Variants in CFH observed in about 807,000 individuals in gnomAD.
CFH encodes the protein H factor 1 (complement).
In CFH, 53 loss-of-function variants were observed where a neutral mutation model predicts 147.3. That is an observed-to-expected ratio of 0.36 (90% CI 0.29 to 0.45). CFH has a LOEUF of 0.45. Among genes scored for constraint, CFH ranks in the 20% least tolerant of loss-of-function variants. CFH has a pLI of 1.00. For synonymous variants in CFH, 536 were observed against 489.4 expected (o/e 1.10, Z -1.26); for missense variants, 1,380 against 1,498.0 (o/e 0.92, Z 1.30).
chr1:196,716,577 T>A (rs561554271), intron 11 of CFH, among the ~76,000 whole-genome samples: 1 of 151,926 alleles, frequency 6.6e-6, no homozygotes, highest in Non-Finnish European at 1.5e-5. Context: ...TGAGTCCAGG[T>A]AGGGTGAGAA....
chr1:196,737,574 A>G lies in CFH; in HGVS notation c.2696A>G (p.Tyr899Cys). 1 of 1,613,428 alleles carries G rather than the reference A, an allele frequency of 6.2e-7. No homozygotes were observed. Among genetic ancestry groups the G allele is most frequent in the Non-Finnish European group, 8.5e-7 (1 of 1,179,594 alleles). The change falls in exon 17 of 22, where the codon TAT becomes TGT. Residue 899 changes from tyrosine to cysteine, a missense_variant. Physicochemically the swap from Tyr to Cys is radical, Grantham distance 194. This residue lies in a region of CFH where 830 missense variants were observed against 821.4 expected (regional missense o/e 1.01). Transcript: ENST00000367429. ...ESYAHGTKLSYTCEGGFRISE... is the reference protein window; with the variant it reads ...ESYAHGTKLSCTCEGGFRISE... ...TATGCACATGGGACTAAATTGAGTT[A>G]TACTTGTGAGGGTGGTTTCAGGATA... is the stretch of plus-strand genomic sequence containing the variant.
At chr1:196,693,124 G>A (rs989060362) in intron 9 of CFH, among the ~76,000 whole-genome samples, 16 of 151,928 alleles carry the variant, frequency 1.1e-4, no homozygotes, top group Non-Finnish European at 2.4e-4. Context: ...TCAATTGTCA[G>A]TGAATCACAT....
chr1:196,675,791 G>C lies in CFH; in HGVS notation c.351-198G>C, dbSNP rs953008464. Among the ~76,000 whole-genome samples, 9 of 152,098 alleles carry C rather than the reference G, an allele frequency of 5.9e-5. No homozygotes were observed. In the East Asian group the frequency reaches 9.7e-4, roughly 16 times the overall value. On this transcript the variant is annotated intron_variant, in intron 3 of 21. Coordinates refer to ENST00000367429, the MANE Select transcript of CFH (RefSeq NM_000186.4). ...AGAGGAAGAAGATTAATGTTCTAGA[G>C]AACGTTAAGAAATCTAAGACAGAGT...
intron 18 of CFH, 161 bp from the exon 19 acceptor site, chr1:196,741,714 T>C (rs1245852632): frequency 1.6e-6 from 1 of 629,874 alleles, no homozygotes; most frequent in Admixed American, 2.9e-5. Context: ...GAATTTAATG[T>C]AATTAAGACA....
At chr1:196,738,284 G>A (rs1386103418) in intron 17 of CFH, among the ~76,000 whole-genome samples, 1 of 152,136 alleles carries the variant, frequency 6.6e-6, no homozygotes, top group African/African-American at 2.4e-5. Context: ...CCTATCCCAA[G>A]TCTATGTCCT....
chr1:196,652,973 T>C (rs1458935864), intron 1 of CFH, among the ~76,000 whole-genome samples: 1 of 151,848 alleles, frequency 6.6e-6, no homozygotes, highest in South Asian at 2.1e-4. Flanking sequence ...TAACCAGTTA[T>C]GTGATAGATA....
chr1:196,727,014 T>C, intron 14 of CFH, 74 bp downstream of exon 14: 1 of 1,411,302 alleles, frequency 7.1e-7, no homozygotes, highest in African/African-American at 1.4e-5. Flanking sequence ...ATTGCAACTA[T>C]ATTTTTGAAA....
At chr1:196,652,790 CAT>C (rs1278884933) in intron 1 of CFH, among the ~76,000 whole-genome samples, 1 of 151,716 alleles carries the variant, frequency 6.6e-6, no homozygotes, top group Non-Finnish European at 1.5e-5. Flanking sequence ...TTGTATATAA[CAT>C]ATATTCTTGA....
At chr1:196,743,721 A>G (rs1311130550) in intron 20 of CFH, 93 bp downstream of exon 20, 1 of 1,557,610 alleles carries the variant, frequency 6.4e-7, no homozygotes, top group Non-Finnish European at 8.8e-7. Flanking sequence ...TTATTAATAG[A>G]TTTTTCAAAT....
At chr1:196,728,776 T>C (rs888628973) in intron 15 of CFH, among the ~76,000 whole-genome samples, 8 of 151,408 alleles carry the variant, frequency 5.3e-5, no homozygotes, top group African/African-American at 1.9e-4. Flanking sequence ...AGGCACTACA[T>C]GTCATCATTA....
At chr1:196,677,318 A>G (rs566796904) in intron 4 of CFH, 158 bp from the exon 5 acceptor site, 1 of 645,148 alleles carries the variant, frequency 1.6e-6, no homozygotes, top group South Asian at 2.0e-5. Flanking sequence ...TGTTTCTTAG[A>G]GGAAAGTATC....
chr1:196,741,457 G>A (rs967067439), intron 18 of CFH: 2 of 226,708 alleles, frequency 8.8e-6, no homozygotes, highest in Non-Finnish European at 1.8e-5. Context: ...ACTCACCATC[G>A]TGAGAACAGC....
intron 12 of CFH, among the ~76,000 whole-genome samples, chr1:196,726,099 T>C (rs1034727205): frequency 6.6e-6 from 1 of 152,200 alleles, no homozygotes; most frequent in African/African-American, 2.4e-5. Context: ...GTTGCTTGTA[T>C]TGATTAGTCA....
chr1:196,743,035 AGCAGGATGATT>A (rs1443472278), intron 19 of CFH, among the ~76,000 whole-genome samples: 15 of 152,194 alleles, frequency 9.9e-5, no homozygotes, highest in Admixed American at 6.5e-5. Context: ...AAAATGTATA[AGCAGGATGATT>A]GCAAACAAAA....
At chr1:196,736,042 G>A (rs538924480) in intron 15 of CFH, among the ~76,000 whole-genome samples, 17 of 151,992 alleles carry the variant, frequency 1.1e-4, no homozygotes, top group Middle Eastern at 3.4e-3. Flanking sequence ...AAACTCCCCC[G>A]TCAGTCAAAC....
chr1:196,676,894 T>TG (rs1667475625), intron 4 of CFH: 1 of 152,520 alleles, frequency 6.6e-6, no homozygotes, highest in Non-Finnish European at 1.5e-5. Flanking sequence ...TCAGTATCTT[T>TG]GGGGTGAGCA....
intron 11 of CFH, among the ~76,000 whole-genome samples, chr1:196,722,924 G>A (rs1334658597): frequency 6.6e-6 from 1 of 151,648 alleles, no homozygotes; most frequent in African/African-American, 2.4e-5. Context: ...ATTTCCATAA[G>A]TTCTATTTGT....
chr1:196,742,842 T>A (rs1471097005), intron 19 of CFH, among the ~76,000 whole-genome samples: 1 of 152,216 alleles, frequency 6.6e-6, no homozygotes, highest in Non-Finnish European at 1.5e-5. Flanking sequence ...TCATTGGCAA[T>A]TAAATTATCT....
At chr1:196,652,365 A>T (rs947030821) in intron 1 of CFH, among the ~76,000 whole-genome samples, 190 bp downstream of exon 1, 2 of 152,050 alleles carry the variant, frequency 1.3e-5, no homozygotes, top group African/African-American at 4.8e-5. Context: ...ATATCTAAAT[A>T]TTCATCATAA....
Sources: gnomAD v4.1 joint callset for allele counts (sites outside exome capture counted in the v4.1 genomes callset) on GRCh38, gnomAD v4.1.1 for gene constraint, gnomAD v4.1.1 regional missense constraint, MANE v1.5 for transcripts, NCBI Gene and HGNC (gene_info 2026-07-23, HGNC 2026-07-21) for gene names.